The following PARD3B variants were observed in gnomAD, a reference collection of about 807,000 sequenced individuals.
PARD3B encodes the protein partitioning defective 3 homolog B.
A neutral mutation model predicts 130.2 loss-of-function variants in PARD3B; 103 were observed. The ratio of observed to expected loss-of-function variants is 0.79; its 90% CI spans 0.67 to 0.93. The LOEUF is 0.93. Ranked by LOEUF, PARD3B falls within the 40% of genes least tolerant of loss-of-function variation. The pLI is 0.00. For missense variants in PARD3B, 1,609 were observed against 1,499.2 expected (o/e 1.07, Z -1.21); for synonymous variants, 583 against 553.2 (o/e 1.05, Z -0.76).
chr2:205,327,391 C>A (rs1000575937), intron 18 of PARD3B, among the ~76,000 whole-genome samples: 1 of 152,124 alleles, frequency 6.6e-6, no homozygotes, highest in African/African-American at 2.4e-5. Flanking sequence ...GTATCTAACT[C>A]CCTTATATTA....
At chr2:205,221,025 A>G (rs1362223101) in intron 15 of PARD3B, among the ~76,000 whole-genome samples, 1 of 152,132 alleles carries the variant, frequency 6.6e-6, no homozygotes, top group African/African-American at 2.4e-5. Context: ...GCTAACTGGG[A>G]GGCTTTAAGC....
At chr2:205,367,553 G>C (rs866333926) in intron 18 of PARD3B, among the ~76,000 whole-genome samples, 7 of 152,262 alleles carry the variant, frequency 4.6e-5, no homozygotes, top group Middle Eastern at 6.8e-3. Flanking sequence ...AGAACAGACA[G>C]CCCTAAAAGG....
chr2:204,747,158 A>G (rs1464688647), intron 2 of PARD3B, among the ~76,000 whole-genome samples: 2 of 152,000 alleles, frequency 1.3e-5, no homozygotes, highest in Non-Finnish European at 2.9e-5. Flanking sequence ...TTTTGTATAA[A>G]GTGTAAGGAA....
intron 1 of PARD3B, among the ~76,000 whole-genome samples, chr2:204,672,256 G>T (rs2036341566): frequency 6.6e-6 from 1 of 152,148 alleles, no homozygotes; most frequent in African/African-American, 2.4e-5. Flanking sequence ...ATTGTTTTTG[G>T]AGTTTGGCTT....
intron 10 of PARD3B, among the ~76,000 whole-genome samples, chr2:205,127,376 A>G (rs1559466678): frequency 1.3e-5 from 2 of 151,994 alleles, no homozygotes; most frequent in Non-Finnish European, 2.9e-5. Context: ...AACAAATGTG[A>G]TAAAAGGACT....
Position 204,967,100 on chromosome 2 carries a change from G to T in PARD3B, c.394+1777G>T, listed in dbSNP as rs1691323376. On this transcript the variant is annotated intron_variant, in intron 3 of 22. Coordinates refer to ENST00000406610, the MANE Select transcript of PARD3B (RefSeq NM_001302769.2). The surrounding 1 kb of genome is among the most constrained non-coding windows in gnomAD (Gnocchi z 4.4). ...CAACCAACTAATATAACTGTCTTGG[G>T]GTTTACTTTGAGAATATATGCCAAA... Among the ~76,000 whole-genome samples the T allele has an allele frequency of 6.6e-6, 1 of 152,032 alleles. No individual in the cohort carries two copies. Among genetic ancestry groups the T allele is most frequent in the African/African-American group, 2.4e-5 (1 of 41,376 alleles).
At chr2:204,840,148 T>C (rs1353949644) in intron 2 of PARD3B, among the ~76,000 whole-genome samples, 4 of 152,146 alleles carry the variant, frequency 2.6e-5, no homozygotes, top group African/African-American at 7.2e-5. Context: ...GTGAAGTTAC[T>C]CAGTAGAAAT....
At chr2:204,559,447 A>G (rs1173473485) in intron 1 of PARD3B, among the ~76,000 whole-genome samples, 2 of 152,254 alleles carry the variant, frequency 1.3e-5, no homozygotes, top group Admixed American at 1.3e-4. Context: ...AATGCTTGTC[A>G]TCACTGATCA....
intron 19 of PARD3B, among the ~76,000 whole-genome samples, chr2:205,427,238 T>C (rs1305687445): frequency 1.3e-5 from 2 of 152,246 alleles, no homozygotes; most frequent in Non-Finnish European, 2.9e-5. Context: ...TGTTTCTCTT[T>C]GACCCAGCAA....
At position 205,233,266 on chromosome 2, in the gene PARD3B, A is replaced by C. The variant is rs1046210526; in HGVS notation, c.2141-12512A>C. Among the ~76,000 whole-genome samples the C allele has an allele frequency of 4.6e-5, 7 of 152,316 alleles. No individual in the cohort carries two copies. The East Asian group carries it at 1.4e-3, about 29-fold the overall frequency. ...AAATACTATTCAACTAGAATTCTTT[A>C]ACTAGCAAAAATATTTTTCTAAAAC... is the stretch of plus-strand genomic sequence containing the variant. On this transcript the variant is annotated intron_variant, in intron 15 of 22. Transcript: ENST00000406610.
At chr2:205,206,695 A>T (rs2037333648) in intron 15 of PARD3B, among the ~76,000 whole-genome samples, 1 of 152,040 alleles carries the variant, frequency 6.6e-6, no homozygotes, top group Non-Finnish European at 1.5e-5. Context: ...ATGTGTCTTT[A>T]TAGCAGCATG....
At chr2:204,737,402 CTA>C (rs2125354536) in intron 2 of PARD3B, among the ~76,000 whole-genome samples, 1 of 152,238 alleles carries the variant, frequency 6.6e-6, no homozygotes, top group South Asian at 2.1e-4. Flanking sequence ...TGAGAAATGT[CTA>C]TGTCTTTTGC....
intron 21 of PARD3B, among the ~76,000 whole-genome samples, chr2:205,523,385 A>C (rs2051178964): frequency 6.6e-6 from 1 of 151,574 alleles, no homozygotes; most frequent in Admixed American, 6.6e-5. Flanking sequence ...CTGGGATTAC[A>C]GGCGCCCACC....
chr2:205,199,645 G>C (rs186561981), intron 15 of PARD3B, among the ~76,000 whole-genome samples: 1 of 152,170 alleles, frequency 6.6e-6, no homozygotes, highest in Non-Finnish European at 1.5e-5. Context: ...GTGCGAGGTG[G>C]CCCATTGTTT....
At chr2:205,494,738 T>C (rs970645680) in intron 20 of PARD3B, among the ~76,000 whole-genome samples, 1 of 152,226 alleles carries the variant, frequency 6.6e-6, no homozygotes, top group African/African-American at 2.4e-5. Context: ...GCCTGCTGCA[T>C]TTTAATGCCT....
chr2:204,875,906 T>C (rs978837569), intron 2 of PARD3B, among the ~76,000 whole-genome samples: 2 of 152,192 alleles, frequency 1.3e-5, no homozygotes, highest in African/African-American at 4.8e-5. Flanking sequence ...ATCTTTCGGG[T>C]TCTCACTGGG....
chr2:205,046,249 CTTG>C (rs1698769245), intron 3 of PARD3B, among the ~76,000 whole-genome samples: 2 of 150,904 alleles, frequency 1.3e-5, no homozygotes, highest in East Asian at 1.9e-4. Context: ...TTCTACTCTT[CTTG>C]TTTTTTTTTT....
chr2:205,347,022 A>G (rs1201101996), intron 18 of PARD3B, among the ~76,000 whole-genome samples: 1 of 152,174 alleles, frequency 6.6e-6, no homozygotes, highest in Non-Finnish European at 1.5e-5. Context: ...TTCTTTTGTA[A>G]GCACATTGCC....
intron 18 of PARD3B, among the ~76,000 whole-genome samples, chr2:205,389,577 G>A (rs2045779813): frequency 6.6e-6 from 1 of 152,080 alleles, no homozygotes; most frequent in Admixed American, 6.6e-5. Context: ...TGGCCAGGCT[G>A]GTCTTGAACT....
Sources: gnomAD v4.1 joint callset for allele counts (sites outside exome capture counted in the v4.1 genomes callset) on GRCh38, gnomAD v4.1.1 for gene constraint, Gnocchi (gnomAD v3.1) non-coding constraint, MANE v1.5 for transcripts, NCBI Gene and HGNC (gene_info 2026-07-23, HGNC 2026-07-21) for gene names.